The following DOK6 variants were observed in gnomAD, a reference collection of about 807,000 sequenced individuals.
DOK6 encodes downstream of tyrosine kinase 6.
A neutral mutation model predicts 44.0 loss-of-function variants in DOK6; 22 were observed. The observed-to-expected ratio is 0.50, with a 90% CI of 0.36 to 0.71. The LOEUF (loss-of-function observed/expected upper bound fraction) is 0.71, where lower values mean the gene tolerates loss of function less well. Among genes scored for constraint, DOK6 ranks in the 30% least tolerant of loss-of-function variants. The pLI, the probability that DOK6 is intolerant of heterozygous loss-of-function variation, is 0.00. For missense variants in DOK6, 340 were observed against 416.4 expected (o/e 0.82, Z 1.60); for synonymous variants, 166 against 145.5 (o/e 1.14, Z -1.01).
intron 2 of DOK6, among the ~76,000 whole-genome samples, chr18:69,572,997 T>C (rs1016957457): frequency 1.3e-5 from 2 of 151,016 alleles, no homozygotes; most frequent in Non-Finnish European, 3.0e-5. Context: ...ATATGACATA[T>C]ATGTTACCTA....
At chr18:69,561,866 G>A (rs777300054) in intron 1 of DOK6, among the ~76,000 whole-genome samples, 5 of 152,058 alleles carry the variant, frequency 3.3e-5, no homozygotes, top group Non-Finnish European at 7.4e-5. Flanking sequence ...GTCTTCTAGT[G>A]AATAATAAGC....
Position 69,698,569 on chromosome 18 carries a change from C to G in DOK6, c.575C>G (p.Thr192Arg), listed in dbSNP as rs764634905. 6.2e-7 allele frequency: 1 copy of G among 1,613,738 alleles called. No individual in the cohort carries two copies. The highest frequency in any genetic ancestry group is 8.5e-7 in the Non-Finnish European group (1 of 1,179,870). Residue 192 changes from threonine (T) to arginine (R), a missense_variant, in exon 5 of 8, where the codon ACG (threonine) becomes AGG (arginine). Physicochemically the swap from Thr to Arg is moderately conservative, Grantham distance 71. This residue lies in a region of DOK6 where 206 missense variants were observed against 258.6 expected (regional missense o/e 0.80). Coordinates refer to ENST00000382713, the MANE Select transcript of DOK6 (RefSeq NM_152721.6). ...CTGAGGAGATACGGTCGGGACTCAA[C>G]GTGGTTCACGTTTGAGTCAGGAAGG... is the stretch of plus-strand genomic sequence containing the variant. ...SSLRRYGRDS[T>R]WFTFESGRMC...
intron 7 of DOK6, among the ~76,000 whole-genome samples, chr18:69,784,993 A>G (rs900928009): frequency 1.3e-5 from 2 of 152,236 alleles, no homozygotes; most frequent in African/African-American, 4.8e-5. Context: ...ACTGAGAAGC[A>G]TAATCTCATG....
chr18:69,408,881 TA>T (rs1193320916), intron 1 of DOK6, among the ~76,000 whole-genome samples: 1 of 152,220 alleles, frequency 6.6e-6, no homozygotes, highest in African/African-American at 2.4e-5. Context: ...GTTCCTTTAT[TA>T]AAAAACTATT....
intron 3 of DOK6, among the ~76,000 whole-genome samples, chr18:69,603,728 G>A (rs369512082): frequency 1.1e-3 from 143 of 132,748 alleles, no homozygotes; most frequent in South Asian, 2.9e-3. Context: ...CCGAGATCGC[G>A]CCACTGCACT....
In DOK6 at chr18:69,432,577, A is replaced by C. The variant is rs149212641; in HGVS notation, c.66+31267A>C. Among the ~76,000 whole-genome samples, 765 of 152,324 alleles carry C rather than the reference A, an allele frequency of 5.0e-3. 1 individual carries two copies. Among genetic ancestry groups the C allele is most frequent in the Non-Finnish European group, 6.5e-3 (440 of 68,032 alleles). On this transcript the variant is annotated intron_variant, in intron 1 of 7. Transcript: ENST00000382713. ...ACATAATGCTATTTTGAGAGAAGAG[A>C]GGGAATGAATATGCATATTTCTGTA...
intron 2 of DOK6, among the ~76,000 whole-genome samples, chr18:69,586,418 C>A (rs555491182): frequency 4.6e-5 from 7 of 152,276 alleles, no homozygotes; most frequent in African/African-American, 1.7e-4. Context: ...ACAGCAGGCC[C>A]TCTGCCGTGC....
chr18:69,834,756 G>T (rs978808313), intron 7 of DOK6, among the ~76,000 whole-genome samples: 3 of 152,048 alleles, frequency 2.0e-5, no homozygotes, highest in African/African-American at 7.2e-5. Context: ...ACTTACATCT[G>T]GTTTTCACAT....
chr18:69,762,391 T>C (rs1979589238), intron 7 of DOK6, among the ~76,000 whole-genome samples: 1 of 152,188 alleles, frequency 6.6e-6, no homozygotes, highest in Admixed American at 6.5e-5. Flanking sequence ...CTTTTTCAGC[T>C]GTGCTCCTTG....
chr18:69,598,578 T>C (rs1250784353), intron 2 of DOK6, among the ~76,000 whole-genome samples: 1 of 152,172 alleles, frequency 6.6e-6, no homozygotes, highest in African/African-American at 2.4e-5. Flanking sequence ...AATTCGCACC[T>C]TGATAAGCAG....
intron 3 of DOK6, among the ~76,000 whole-genome samples, chr18:69,627,670 C>T (rs1010784974): frequency 8.5e-5 from 13 of 152,106 alleles, no homozygotes; most frequent in East Asian, 1.9e-4. Flanking sequence ...AGGATGGTCT[C>T]GATCTCCTGA....
In DOK6 at chr18:69,594,589, CAAA is replaced by C. The variant is rs10629064; in HGVS notation, c.175-4783_175-4781del. Among the ~76,000 whole-genome samples the C allele has an allele frequency of 1.1e-4, 14 of 129,156 alleles. 1 individual carries two copies. The South Asian group carries it at 1.4e-3, about 12-fold the overall frequency. The allele number at this position is 129,156 out of a possible 152,430, so 84.7% of individuals were successfully genotyped here. On this transcript the variant is annotated intron_variant, in intron 2 of 7. Coordinates refer to ENST00000382713, the MANE Select transcript of DOK6 (RefSeq NM_152721.6). Reference sequence around the variant, plus strand: ...AGAAGTCCTAGCCAGAGCAAACAGGCAAAAAAAAAAAAAAGAAAGAAGAAATAA... The same window carrying C: ...AGAAGTCCTAGCCAGAGCAAACAGGCAAAAAAAAAAAGAAAGAAGAAATAA...
chr18:69,711,673 C>T (rs558886847), intron 5 of DOK6, among the ~76,000 whole-genome samples: 55 of 152,262 alleles, frequency 3.6e-4, no homozygotes, highest in African/African-American at 1.3e-3. Flanking sequence ...TATTTATTTG[C>T]TCATCTATTG....
intron 1 of DOK6, among the ~76,000 whole-genome samples, chr18:69,409,875 T>C (rs1978299033): frequency 6.6e-6 from 1 of 152,234 alleles, no homozygotes; most frequent in African/African-American, 2.4e-5. Flanking sequence ...AATATTCCTT[T>C]TTGTTTAAAC....
chr18:69,401,822 G>A (rs1324471007), intron 1 of DOK6, among the ~76,000 whole-genome samples: 2 of 152,136 alleles, frequency 1.3e-5, no homozygotes, highest in African/African-American at 4.8e-5. Context: ...CGCCTTCGCC[G>A]TGGCCGAGGG....
At chr18:69,516,143 G>A (rs6566428) in intron 1 of DOK6, among the ~76,000 whole-genome samples, 29,977 of 152,130 alleles carry the variant, frequency 0.2, 3,187 homozygotes, top group African/African-American at 0.24. Context: ...GCACCCTGGT[G>A]GAGTGCGTAT....
At chr18:69,462,532 G>T (rs1440014664) in intron 1 of DOK6, among the ~76,000 whole-genome samples, 1 of 152,068 alleles carries the variant, frequency 6.6e-6, no homozygotes, top group Non-Finnish European at 1.5e-5. Flanking sequence ...AATTCTAAAT[G>T]TCATGGGTAT....
chr18:69,540,623 C>T (rs1982243493), intron 1 of DOK6, among the ~76,000 whole-genome samples: 1 of 152,124 alleles, frequency 6.6e-6, no homozygotes, highest in Non-Finnish European at 1.5e-5. Flanking sequence ...GACGTCTTCA[C>T]ATTTATGTGG....
At chr18:69,546,277 C>CAA (rs112839837) in intron 1 of DOK6, among the ~76,000 whole-genome samples, 1,926 of 103,910 alleles carry the variant, frequency 0.019, 52 homozygotes, top group African/African-American at 0.063. Flanking sequence ...AACTCCGTCT[C>CAA]AAAAAAAAAA....
Sources: gnomAD v4.1 joint callset for allele counts (sites outside exome capture counted in the v4.1 genomes callset) on GRCh38, gnomAD v4.1.1 for gene constraint, gnomAD v4.1.1 regional missense constraint, MANE v1.5 for transcripts, NCBI Gene and HGNC (gene_info 2026-07-23, HGNC 2026-07-21) for gene names.